Variants in SIPA1L3 observed in about 807,000 individuals in gnomAD.
SIPA1L3 encodes signal-induced proliferation-associated 1-like protein 3.
A neutral mutation model predicts 150.1 loss-of-function variants in SIPA1L3; 59 were observed. The ratio of observed to expected loss-of-function variants is 0.39; its 90% CI spans 0.32 to 0.49. The LOEUF (loss-of-function observed/expected upper bound fraction) is 0.49. Ranked by LOEUF, SIPA1L3 falls within the 20% of genes least tolerant of loss-of-function variation. The probability of loss-of-function intolerance (pLI) is 0.86; values close to 1 mark genes in which losing one functional copy is unlikely to be tolerated. For missense variants in SIPA1L3, 2,211 were observed against 2,489.5 expected (o/e 0.89, Z 2.38); for synonymous variants, 1,070 against 1,077.6 (o/e 0.99, Z 0.14).
intron 1 of SIPA1L3, among the ~76,000 whole-genome samples, chr19:38,020,075 AGAGT>A (rs1251297879): frequency 6.7e-6 from 1 of 149,742 alleles, no homozygotes; most frequent in East Asian, 2.1e-4. Context: ...CCTGGGCAAC[AGAGT>A]GAGACCCCGT....
chr19:37,976,388 C>T (rs1229895953), intron 1 of SIPA1L3, among the ~76,000 whole-genome samples: 1 of 152,086 alleles, frequency 6.6e-6, no homozygotes, highest in Non-Finnish European at 1.5e-5. Context: ...TGTAAGATGC[C>T]CCCGCACTGC....
At chr19:37,974,748 A>C (rs965032153) in intron 1 of SIPA1L3, among the ~76,000 whole-genome samples, 1 of 152,122 alleles carries the variant, frequency 6.6e-6, no homozygotes, top group Admixed American at 6.5e-5. Context: ...CCTCTGTTCT[A>C]ACACCCAGTG....
At chr19:37,920,647 G>A (rs983414180) in intron 1 of SIPA1L3, among the ~76,000 whole-genome samples, 3 of 152,200 alleles carry the variant, frequency 2.0e-5, no homozygotes, top group African/African-American at 7.2e-5. Flanking sequence ...TCAAGCTCAA[G>A]TGTACATACA....
At position 38,198,271 on chromosome 19, in the gene SIPA1L3, C is replaced by T. The variant is rs1271402977; in HGVS notation, c.4841-118C>T. 3.3e-6 allele frequency: 4 copies of T among 1,216,628 alleles called. No individual in the cohort carries two copies. In the Admixed American group the frequency reaches 8.7e-5, roughly 26 times the overall value. The allele number at this position is 1,216,628 out of a possible 1,614,324, so 75.4% of individuals were successfully genotyped here. ...CTCCAGCACTCCCAGACCCCTTACCCTGCTGGAGGTTTTCCTGGGCATGTA... is the reference window on the plus strand; with the variant it reads ...CTCCAGCACTCCCAGACCCCTTACCTTGCTGGAGGTTTTCCTGGGCATGTA... On this transcript the variant is annotated intron_variant, in intron 18 of 21. Transcript: ENST00000222345.
intron 2 of SIPA1L3, among the ~76,000 whole-genome samples, chr19:38,068,570 CCCTA>C (rs1209319393): frequency 6.6e-6 from 1 of 152,080 alleles, no homozygotes. Context: ...TGATGGAAGT[CCCTA>C]CTTGGCAGGG....
intron 19 of SIPA1L3, among the ~76,000 whole-genome samples, chr19:38,199,660 A>C (rs2146066340): frequency 6.6e-6 from 1 of 152,198 alleles, no homozygotes; most frequent in South Asian, 2.1e-4. Context: ...CAGCACCACC[A>C]TGGAGGTGCC....
chr19:38,126,560 A>G lies in SIPA1L3; in HGVS notation c.2869-3938A>G, dbSNP rs184807535. Among the ~76,000 whole-genome samples the G allele has an allele frequency of 4.2e-4, 64 of 151,134 alleles. 1 individual carries two copies. In the East Asian group the frequency reaches 0.01, roughly 24 times the overall value. ...ACAATTCTTTTTTTTTTTCTTTAAG[A>G]CAGTCTCTCTCTGTTGCCTAGGCTG... On this transcript the variant is annotated intron_variant, in intron 9 of 21. Transcript: ENST00000222345.
intron 2 of SIPA1L3, among the ~76,000 whole-genome samples, chr19:38,080,827 C>T (rs1293118975): frequency 2.6e-5 from 4 of 151,730 alleles, no homozygotes; most frequent in African/African-American, 7.3e-5. Flanking sequence ...AAAAATTAGC[C>T]GGGCATGGTA....
In SIPA1L3 at chr19:38,207,641, G is replaced by A. The variant is rs1462371720; in HGVS notation, c.*1401G>A. ...GGCACCAGGCGGGGAGGAGTTGGCG[G>A]AGCAGGTCTGGCTGTGAGCCAGCAC... On this transcript the variant is annotated 3_prime_UTR_variant, in exon 22 of 22. Coordinates refer to ENST00000222345, the MANE Select transcript of SIPA1L3 (RefSeq NM_015073.3). The A allele has an allele frequency of 6.6e-6, 1 of 152,006 alleles. No individual in the cohort carries two copies. Among genetic ancestry groups the A allele is most frequent in the Non-Finnish European group, 1.5e-5 (1 of 68,032 alleles). 9.4% of individuals were successfully genotyped at this position (152,006 alleles called of 1,614,324 possible). A position where few individuals can be genotyped will look rare whatever the true frequency, so the allele number is the denominator to read the frequency against.
chr19:38,045,183 GCCTGGCCAACATGGTGAAAC>G (rs1474235395), intron 2 of SIPA1L3, among the ~76,000 whole-genome samples: 2 of 152,078 alleles, frequency 1.3e-5, no homozygotes, highest in Non-Finnish European at 2.9e-5. Context: ...TTCGAGACCA[GCCTGGCCAACATGGTGAAAC>G]CCCGTCTCTA....
At chr19:38,119,931 C>A in intron 9 of SIPA1L3, 49 bp downstream of exon 9, 1 of 1,362,414 alleles carries the variant, frequency 7.3e-7, no homozygotes, top group Non-Finnish European at 1.0e-6. Flanking sequence ...TGGTTTCGGC[C>A]TCAGGAACCA....
chr19:38,095,651 G>T (rs1249133086), intron 4 of SIPA1L3, among the ~76,000 whole-genome samples: 1 of 152,190 alleles, frequency 6.6e-6, no homozygotes, highest in Non-Finnish European at 1.5e-5. Context: ...CAGGGCAGGG[G>T]CAGGGAGACC....
chr19:38,152,004 G>A (rs1971835764), intron 12 of SIPA1L3, among the ~76,000 whole-genome samples: 1 of 150,090 alleles, frequency 6.7e-6, no homozygotes, highest in Non-Finnish European at 1.5e-5. Context: ...CACTGGGACA[G>A]GAGGGCACAG....
Position 38,169,963 on chromosome 19 carries a change from G to A in SIPA1L3, c.4208+5057G>A, listed in dbSNP as rs941229455. Among the ~76,000 whole-genome samples, 3 of 151,278 alleles carry A rather than the reference G, an allele frequency of 2.0e-5. No individual in the cohort carries two copies. In the East Asian group the frequency reaches 5.9e-4, roughly 30 times the overall value. On this transcript the variant is annotated intron_variant, in intron 15 of 21. Transcript: ENST00000222345. ...TAGAGGGGCCAGGGTGAGATGAGGG[G>A]CCCAGGTAGAGGGGCCAGGGTAAGA...
At chr19:38,090,567 G>A (rs941215070) in intron 4 of SIPA1L3, among the ~76,000 whole-genome samples, 109 of 152,306 alleles carry the variant, frequency 7.2e-4, no homozygotes, top group African/African-American at 2.4e-3. Context: ...AAAAAGAGGG[G>A]ACCCAGGGAA....
In SIPA1L3 at chr19:38,119,394, G is replaced by A. The variant is rs761385083; in HGVS notation, c.2380G>A (p.Asp794Asn). The A allele has an allele frequency of 1.9e-6, 3 of 1,614,014 alleles. No individual in the cohort carries two copies. Among genetic ancestry groups the A allele is most frequent in the South Asian group, 2.2e-5 (2 of 91,086 alleles). ...ATTCCGCAAATCCGACGTCTTCAGAGACTTCTTGCTGGCCAAGGTGATTAA... is the reference window on the plus strand; with the variant it reads ...ATTCCGCAAATCCGACGTCTTCAGAAACTTCTTGCTGGCCAAGGTGATTAA... The part of the protein sequence containing the change: ...TTFRKSDVFR[D>N]FLLAKVINAE... The change falls in exon 9 of 22, where the codon GAC (aspartate) becomes AAC (asparagine). Residue 794 changes from aspartate to asparagine, a missense_variant. Asp to Asn is a conservative substitution (Grantham distance 23, BLOSUM62 1). Around this residue, in one of 5 missense-constraint regions of SIPA1L3, gnomAD observed 625 missense variants for 804.2 expected, o/e 0.78. Transcript: ENST00000222345.
At chr19:37,908,277 A>G (rs565216225) in intron 1 of SIPA1L3, among the ~76,000 whole-genome samples, 7 of 152,290 alleles carry the variant, frequency 4.6e-5, no homozygotes, top group Non-Finnish European at 8.8e-5. Context: ...ACAAAATGGG[A>G]TAATAACAAG....
At chr19:38,092,874 T>TTC (rs1555785965) in intron 4 of SIPA1L3, among the ~76,000 whole-genome samples, 6 of 123,200 alleles carry the variant, frequency 4.9e-5, no homozygotes, top group Admixed American at 9.2e-5. Flanking sequence ...TTTTTTTTTT[T>TTC]CCCGAGACGG....
chr19:38,198,532 G>T lies in SIPA1L3; in HGVS notation c.4984G>T (p.Val1662Leu). The change falls in exon 19 of 22, where the codon GTG becomes TTG. Residue 1662 changes from valine to leucine, a missense_variant and splice_region_variant. Transcript: ENST00000222345. ...SLVNAAKAYE[V>L]QRAVSLFSLN... ...GGTGAACGCAGCCAAGGCATACGAA[G>T]GTAGGCGCCTTCCACCCAGTCCCGC... 6.5e-7 allele frequency: 1 copy of T among 1,545,662 alleles called. No homozygotes were observed. Among genetic ancestry groups the T allele is most frequent in the Non-Finnish European group, 8.7e-7 (1 of 1,148,066 alleles).
Sources: allele counts gnomAD v4.1 joint callset (sites outside exome capture counted in the v4.1 genomes callset), GRCh38; gene constraint gnomAD v4.1.1; regional missense constraint gnomAD v4.1.1; transcripts MANE v1.5; gene names NCBI Gene and HGNC (gene_info 2026-07-23, HGNC 2026-07-21).